The following DVL1 variants were observed in gnomAD, a reference collection of about 807,000 sequenced individuals.
The protein encoded by DVL1 is segment polarity protein dishevelled homolog DVL-1.
DVL1 carries 49 observed loss-of-function variants against 65.0 expected under a neutral mutation model. The observed-to-expected ratio is 0.75, with a 90% confidence interval of 0.60 to 0.96. DVL1 has a LOEUF of 0.96. Ranked by LOEUF, DVL1 falls within the 40% of genes least tolerant of loss-of-function variation. The pLI, the probability that DVL1 is intolerant of heterozygous loss-of-function variation, is 0.00. For synonymous variants in DVL1, 608 were observed against 433.9 expected (o/e 1.40, Z -4.99); for missense variants, 1,197 against 1,045.4 (o/e 1.15, Z -2.00).
rs749967006 is a variant in DVL1 at position 1,349,092 on chromosome 1, C to A, written c.-27G>T. 1 of 1,400,346 alleles carries A rather than the reference C, an allele frequency of 7.1e-7. No homozygotes were observed. Among genetic ancestry groups the A allele is most frequent in the African/African-American group, 1.5e-5 (1 of 64,664 alleles). 86.7% of individuals were successfully genotyped at this position (1,400,346 alleles called of 1,614,324 possible). On this transcript the variant is annotated 5_prime_UTR_variant, in exon 1 of 15. Transcript: ENST00000378888. The surrounding 1 kb of genome is among the most constrained non-coding windows in gnomAD (Gnocchi z 4.1). ...GCGCGGCGGCGGCGCGGAGCCCGCG[C>A]GCTCAGGGCCCGGCCCGGGGCTCGG...
intron 1 of DVL1, among the ~76,000 whole-genome samples, chr1:1,348,037 T>G (rs1643945461): frequency 6.6e-6 from 1 of 152,168 alleles, no homozygotes; most frequent in Non-Finnish European, 1.5e-5. Context: ...GGACACCGCT[T>G]GCCGGAGGCT....
rs1643979607 is a variant in DVL1, at chr1:1,349,336, T to G, written c.-271A>C. 1 of 141,260 alleles carries G rather than the reference T, an allele frequency of 7.1e-6. No individual in the cohort carries two copies. 8.8% of individuals were successfully genotyped at this position (141,260 alleles called of 1,614,324 possible). ...GAGGGACGCAGCACGGAGGGCGCGC[T>G]CAGCCCCGCCGCCCTCCCGCCTGCG... On this transcript the variant is annotated 5_prime_UTR_variant, in exon 1 of 15. Coordinates refer to ENST00000378888, the MANE Select transcript of DVL1 (RefSeq NM_001330311.2). The surrounding 1 kb of genome is among the most constrained non-coding windows in gnomAD (Gnocchi z 4.1).
intron 14 of DVL1, chr1:1,337,703 T>C (rs1412782649): frequency 1.7e-5 from 11 of 650,882 alleles, no homozygotes; most frequent in Non-Finnish European, 2.8e-5. Context: ...AGGCTGCCCC[T>C]GTGTGAGACG....
In DVL1 at chr1:1,340,487, C is replaced by G. The variant is rs764626843; in HGVS notation, c.622G>C (p.Glu208Gln). 2 of 1,607,056 alleles carry G rather than the reference C, an allele frequency of 1.2e-6. No individual in the cohort carries two copies. Among genetic ancestry groups the G allele is most frequent in the South Asian group, 2.2e-5 (2 of 89,902 alleles). The change falls in exon 6 of 15, where the codon GAG becomes CAG. Residue 208 changes from glutamate to glutamine, a missense_variant. Transcript: ENST00000378888. ...ATGAGTCTGGATGAGGTGCTCTGCT[C>G]CGTGGAGCTGCTGAGCCTGGGAACA... The part of the protein sequence containing the change: ...GSTSRLSSST[E>Q]QSTSSRLIRK...
In DVL1 at chr1:1,340,145, C is replaced by T. The variant is rs1322747772; in HGVS notation, c.802G>A (p.Gly268Arg). 1.2e-6 allele frequency: 2 copies of T among 1,613,672 alleles called. No homozygotes were observed. The highest frequency in any genetic ancestry group is 1.7e-6 in the Non-Finnish European group (2 of 1,179,976). The change falls in exon 8 of 15, where the codon GGG (glycine) becomes AGG (arginine). Residue 268 changes from glycine (G) to arginine (R), a missense_variant. Transcript: ENST00000378888. ...CCGTCTCCACGGTCGTTGCTCTGCCCCACGATGCTGATGCCCAGAAAGTGA... is the reference window on the plus strand; with the variant it reads ...CCGTCTCCACGGTCGTTGCTCTGCCTCACGATGCTGATGCCCAGAAAGTGA... Reference protein sequence around the residue: ...RHHFLGISIVGQSNDRGDGGI... With the variant: ...RHHFLGISIVRQSNDRGDGGI...
intron 1 of DVL1, among the ~76,000 whole-genome samples, chr1:1,346,642 G>GA (rs1643918069): frequency 6.6e-6 from 1 of 152,244 alleles, no homozygotes; most frequent in Non-Finnish European, 1.5e-5. Flanking sequence ...CCAGACCAGG[G>GA]CACGTGGTTG....
intron 1 of DVL1, among the ~76,000 whole-genome samples, chr1:1,346,866 A>G (rs955255297): frequency 3.3e-5 from 5 of 152,104 alleles, no homozygotes; most frequent in East Asian, 1.9e-4. Flanking sequence ...CCCATCTCCA[A>G]CTACATTCGC....
At chr1:1,344,761 C>T (rs112545589) in intron 1 of DVL1, among the ~76,000 whole-genome samples, 6,759 of 152,212 alleles carry the variant, frequency 0.044, 504 homozygotes, top group African/African-American at 0.15. Flanking sequence ...CAGGGTGAGG[C>T]GGGCCCCACG....
chr1:1,341,568 G>T, intron 5 of DVL1, 99 bp downstream of exon 5: 3 of 1,425,668 alleles, frequency 2.1e-6, no homozygotes, highest in Non-Finnish European at 2.8e-6. Flanking sequence ...ACGCACACAC[G>T]TGCAATGTGA....
intron 1 of DVL1, among the ~76,000 whole-genome samples, chr1:1,347,643 A>G (rs1643937152): frequency 6.6e-6 from 1 of 152,198 alleles, no homozygotes; most frequent in Non-Finnish European, 1.5e-5. Context: ...TACCTGACAC[A>G]TGCCCCATGC....
chr1:1,340,990 CT>C (rs1643792394), intron 5 of DVL1, among the ~76,000 whole-genome samples: 1 of 145,460 alleles, frequency 6.9e-6, no homozygotes, highest in African/African-American at 2.6e-5. Flanking sequence ...ACATGCACAC[CT>C]GCATACTCAC....
chr1:1,340,293 G>C lies in DVL1; in HGVS notation c.723C>G (p.Thr241=). The C allele has an allele frequency of 6.2e-7, 1 of 1,614,002 alleles. No individual in the cohort carries two copies. The highest frequency in any genetic ancestry group is 8.5e-7 in the Non-Finnish European group (1 of 1,180,000). The part of the protein sequence containing the change: ...ADRASSFSSI[T]DSTMSLNIVT... ...CGATGTTGAGGGACATGGTGGAGTC[G>C]GTTATGCTGCTGAAGGAGGAGGCCT... Residue 241 remains threonine (T), a synonymous_variant, in exon 7 of 15, where the codon ACC becomes ACG. Transcript: ENST00000378888.
chr1:1,337,211 G>C (rs1643608288), intron 14 of DVL1: 1 of 472,354 alleles, frequency 2.1e-6, no homozygotes, highest in African/African-American at 2.1e-5. Context: ...ACCCAGCGTG[G>C]CTTCTCTGCG....
chr1:1,340,533 G>A (rs375423141), intron 5 of DVL1, 30 bp from the exon 6 acceptor site: 25 of 1,573,976 alleles, frequency 1.6e-5, no homozygotes, highest in African/African-American at 2.7e-5. Flanking sequence ...GCTCAGAGGA[G>A]CTGGAGACAT....
At chr1:1,345,048 C>G (rs926887573) in intron 1 of DVL1, among the ~76,000 whole-genome samples, 8 of 152,220 alleles carry the variant, frequency 5.3e-5, no homozygotes, top group African/African-American at 1.9e-4. Flanking sequence ...GAGGGAGACT[C>G]GGCCACCCAG....
In DVL1 at chr1:1,342,766, C is replaced by T. The variant is rs760948294; in HGVS notation, c.171-8G>A. ...ATCTCCTCCTTCACCACCCTGTGGG[C>T]ATATGCTGCCGTGAGGCCCCACCTG... On this transcript the variant is annotated splice_polypyrimidine_tract_variant and splice_region_variant and intron_variant, in intron 1 of 14. Coordinates refer to ENST00000378888, the MANE Select transcript of DVL1 (RefSeq NM_001330311.2). The T allele has an allele frequency of 1.9e-6, 3 of 1,612,668 alleles. No individual in the cohort carries two copies. Among genetic ancestry groups the T allele is most frequent in the African/African-American group, 1.3e-5 (1 of 75,032 alleles).
chr1:1,346,771 C>T (rs561237533), intron 1 of DVL1, among the ~76,000 whole-genome samples: 1 of 152,310 alleles, frequency 6.6e-6, no homozygotes, highest in African/African-American at 2.4e-5. Flanking sequence ...CCCCGACTCA[C>T]CAGGGCCTCC....
intron 1 of DVL1, among the ~76,000 whole-genome samples, chr1:1,344,290 C>A (rs762590066): frequency 1.3e-5 from 2 of 152,220 alleles, no homozygotes; most frequent in Non-Finnish European, 2.9e-5. Context: ...TGGCAGGAAG[C>A]GGCCTTGTGG....
rs148871455 is a variant in DVL1, at chr1:1,338,580, C to G, written c.1281G>C (p.Ser427=). 1.2e-6 allele frequency: 2 copies of G among 1,612,484 alleles called. No homozygotes were observed. The highest frequency in any genetic ancestry group is 1.7e-6 in the Non-Finnish European group (2 of 1,179,866). The part of the protein sequence containing the change: ...AVVRVMQLPD[S]GLEIRDRMWL... ...ACATGCGGTCGCGGATCTCCAGTCC[C>G]GAGTCTGGCAGCTGCATGACCCGGA... is the stretch of plus-strand genomic sequence containing the variant. The change falls in exon 12 of 15, where the codon TCG becomes TCC. Residue 427 remains serine (S), a synonymous_variant. Coordinates refer to ENST00000378888, the MANE Select transcript of DVL1 (RefSeq NM_001330311.2).
Sources: allele counts gnomAD v4.1 joint callset (sites outside exome capture counted in the v4.1 genomes callset), GRCh38; gene constraint gnomAD v4.1.1; non-coding constraint Gnocchi (gnomAD v3.1); transcripts MANE v1.5; gene names NCBI Gene and HGNC (gene_info 2026-07-23, HGNC 2026-07-21).